Variants in LRRC38 observed in about 807,000 individuals in gnomAD.
The protein encoded by LRRC38 is leucine rich repeat containing 38, also known as leucine-rich repeat-containing protein 38.
In LRRC38, 5 loss-of-function variants were observed where a neutral mutation model predicts 16.4. The ratio of observed to expected loss-of-function variants is 0.31; its 90% CI spans 0.16 to 0.64. LRRC38 has a LOEUF of 0.64. Ranked by LOEUF, LRRC38 falls within the 30% of genes least tolerant of loss-of-function variation. The pLI, the probability that LRRC38 is intolerant of heterozygous loss-of-function variation, is 0.80. For missense variants in LRRC38, 341 were observed against 401.8 expected (o/e 0.85, Z 1.29); for synonymous variants, 191 against 190.2 (o/e 1.00, Z -0.04).
chr1:13,477,569 GGCTCAT>G (rs1219057660), intron 1 of LRRC38, among the ~76,000 whole-genome samples: 2 of 152,098 alleles, frequency 1.3e-5, no homozygotes, highest in Non-Finnish European at 2.9e-5. Context: ...CGGGTGTGGT[GGCTCAT>G]GTCTATAATC....
chr1:13,479,159 C>CT (rs374393404), intron 1 of LRRC38, among the ~76,000 whole-genome samples: 3,034 of 146,668 alleles, frequency 0.021, 101 homozygotes, highest in African/African-American at 0.069. Flanking sequence ...TTATACTGGG[C>CT]TTTTTTTTTT....
chr1:13,478,861 GTAGTC>G (rs1638818651), intron 1 of LRRC38, among the ~76,000 whole-genome samples: 1 of 152,024 alleles, frequency 6.6e-6, no homozygotes, highest in Admixed American at 6.6e-5. Flanking sequence ...CATCTTTTAT[GTAGTC>G]TACAGCCAAC....
Position 13,487,648 on chromosome 1 carries a change from G to A in LRRC38, c.632-11549C>T, listed in dbSNP as rs1191588870. Among the ~76,000 whole-genome samples the A allele has an allele frequency of 6.6e-6, 1 of 152,170 alleles. No individual in the cohort carries two copies. Among genetic ancestry groups the A allele is most frequent in the East Asian group, 1.9e-4 (1 of 5,180 alleles). The stretch of plus-strand genomic sequence containing the variant: ...CCACCTGTCTGGGCTCCCTCCCCTT[G>A]AGTGATGACTTCTCCCCAGCAGCTG... On this transcript the variant is annotated intron_variant, in intron 1 of 1. Coordinates refer to ENST00000376085, the MANE Select transcript of LRRC38 (RefSeq NM_001010847.2). This position sits in a 1 kb window ranked among gnomAD's most constrained non-coding sequence, Gnocchi z 4.4.
intron 1 of LRRC38, among the ~76,000 whole-genome samples, chr1:13,482,581 GAAA>G (rs79709070): frequency 1.6e-5 from 2 of 128,304 alleles, no homozygotes; most frequent in Non-Finnish European, 1.6e-5. Context: ...CTCCATCTCG[GAAA>G]AAAAAAAAAA....
rs554612956 is a variant in LRRC38 at position 13,512,853 on chromosome 1, A to G, written c.631+110T>C. On this transcript the variant is annotated intron_variant, in intron 1 of 1. Coordinates refer to ENST00000376085, the MANE Select transcript of LRRC38 (RefSeq NM_001010847.2). ...CCCAGGAAAAGTTCAGGATCCCCCA[A>G]GCCTCCTCTTCCAAACTCAACCCAC... 4.3e-6 allele frequency: 5 copies of G among 1,170,090 alleles called. No homozygotes were observed. In the South Asian group the frequency reaches 6.4e-5, roughly 15 times the overall value. 72.5% of individuals were successfully genotyped at this position (1,170,090 alleles called of 1,614,324 possible).
chr1:13,494,296 C>T (rs990798580), intron 1 of LRRC38, among the ~76,000 whole-genome samples: 7 of 151,962 alleles, frequency 4.6e-5, no homozygotes, highest in South Asian at 2.1e-4. Flanking sequence ...TGTAGCTCAG[C>T]GTGAGCCTCA....
chr1:13,500,669 C>T (rs951973730), intron 1 of LRRC38, among the ~76,000 whole-genome samples: 1 of 152,198 alleles, frequency 6.6e-6, no homozygotes, highest in South Asian at 2.1e-4. Flanking sequence ...CCACCTTAGG[C>T]CCATGTCTTC....
Position 13,502,974 on chromosome 1 carries a change from C to A in LRRC38, c.631+9989G>T, listed in dbSNP as rs555783450. 1.6e-4 allele frequency among the ~76,000 whole-genome samples: 24 copies of A among 152,278 alleles called. No homozygotes were observed. The South Asian group carries it at 4.8e-3, about 30-fold the overall frequency. The stretch of plus-strand genomic sequence containing the variant: ...CCAATAACTCAAGGAGGGAAGTATT[C>A]TTTTCAAATGAAGACAGGAACATAC... On this transcript the variant is annotated intron_variant, in intron 1 of 1. Transcript: ENST00000376085.
At chr1:13,491,122 T>A (rs1263164727) in intron 1 of LRRC38, among the ~76,000 whole-genome samples, 1 of 152,076 alleles carries the variant, frequency 6.6e-6, no homozygotes, top group Non-Finnish European at 1.5e-5. Flanking sequence ...ATCGGGGGAT[T>A]TGTCGATGTC....
chr1:13,504,771 G>A (rs1264033759), intron 1 of LRRC38, among the ~76,000 whole-genome samples: 1 of 90,670 alleles, frequency 1.1e-5, no homozygotes, highest in African/African-American at 4.5e-5. Flanking sequence ...GGGGAAGGGA[G>A]GGAAGGGGAG....
chr1:13,484,083 C>T (rs924511722), intron 1 of LRRC38, among the ~76,000 whole-genome samples: 7 of 152,110 alleles, frequency 4.6e-5, no homozygotes, highest in African/African-American at 1.2e-4. Context: ...ATCCACAGCC[C>T]GCATCACCCC....
intron 1 of LRRC38, among the ~76,000 whole-genome samples, chr1:13,496,989 G>A (rs1639088238): frequency 6.6e-6 from 1 of 152,088 alleles, no homozygotes; most frequent in African/African-American, 2.4e-5. Flanking sequence ...GAAGTAGCAG[G>A]TGCAAAGGCC....
At chr1:13,504,300 A>T (rs1261912493) in intron 1 of LRRC38, among the ~76,000 whole-genome samples, 1 of 137,996 alleles carries the variant, frequency 7.2e-6, no homozygotes, top group Non-Finnish European at 1.5e-5. Flanking sequence ...TTGGAAGCAC[A>T]GACAGTCATG....
intron 1 of LRRC38, among the ~76,000 whole-genome samples, chr1:13,486,965 T>A (rs1638943323): frequency 6.6e-6 from 1 of 152,122 alleles, no homozygotes; most frequent in South Asian, 2.1e-4. Context: ...ACAGTCTGTC[T>A]CTCCCAGGAC....
At chr1:13,512,927 C>CACCCA in intron 1 of LRRC38, 36 bp downstream of exon 1, 2 of 1,333,534 alleles carry the variant, frequency 1.5e-6, no homozygotes, top group Non-Finnish European at 2.1e-6. Flanking sequence ...CCCTGCCCCC[C>CACCCA]TCCCTCCCTC....
chr1:13,484,877 C>T (rs990982424), intron 1 of LRRC38, among the ~76,000 whole-genome samples: 2 of 152,232 alleles, frequency 1.3e-5, no homozygotes, highest in Admixed American at 6.5e-5. Flanking sequence ...AATTATGTTA[C>T]CTGCTTGAGG....
rs190480487 is a variant in LRRC38, at chr1:13,513,021, G to T, written c.573C>A (p.Asp191Glu). ...LRLDGNPWLC[D>E]CDFAHLFSWI... is the part of the protein sequence containing the mutation. ...AGGAGAAGAGGTGGGCGAAGTCACA[G>T]TCGCACAGCCAGGGGTTCCCGTCCA... is the stretch of plus-strand genomic sequence containing the variant. The change falls in exon 1 of 2, where the codon GAC (aspartate) becomes GAA (glutamate). Residue 191 changes from aspartate (D) to glutamate (E), a missense_variant. Asp to Glu is a conservative substitution (Grantham distance 45, BLOSUM62 2). Transcript: ENST00000376085. 6.5e-7 allele frequency: 1 copy of T among 1,540,354 alleles called. No individual in the cohort carries two copies. The highest frequency in any genetic ancestry group is 2.5e-5 in the East Asian group (1 of 40,130).
intron 1 of LRRC38, among the ~76,000 whole-genome samples, chr1:13,508,401 C>T (rs1019569415): frequency 1.3e-5 from 2 of 152,106 alleles, no homozygotes; most frequent in African/African-American, 2.4e-5. Flanking sequence ...GGGGATGGGT[C>T]CAATTAATAA....
chr1:13,512,933 C>CCCCCCCCCCG, intron 1 of LRRC38, 30 bp downstream of exon 1: 3 of 1,363,154 alleles, frequency 2.2e-6, no homozygotes, highest in Non-Finnish European at 2.0e-6. Flanking sequence ...CCCCCTCCCT[C>CCCCCCCCCCG]CCTCCCCCAG....
Sources: gnomAD v4.1 joint callset for allele counts (sites outside exome capture counted in the v4.1 genomes callset) on GRCh38, gnomAD v4.1.1 for gene constraint, Gnocchi (gnomAD v3.1) non-coding constraint, MANE v1.5 for transcripts, NCBI Gene and HGNC (gene_info 2026-07-23, HGNC 2026-07-21) for gene names.